The following ZNF385D variants were observed in gnomAD, a reference collection of about 807,000 sequenced individuals.
The protein encoded by ZNF385D is zinc finger protein 385D, also known as zinc finger protein 659.
ZNF385D carries 15 observed loss-of-function variants against 35.8 expected under a neutral mutation model. That is an observed-to-expected ratio of 0.42 (90% CI 0.28 to 0.64). ZNF385D has a LOEUF of 0.64. Ranked by LOEUF, ZNF385D falls within the 30% of genes least tolerant of loss-of-function variation. The pLI, the probability that ZNF385D is intolerant of heterozygous loss-of-function variation, is 0.23. For synonymous variants in ZNF385D, 212 were observed against 186.8 expected, an observed-to-expected ratio of 1.13 and a Z score of -1.10; for missense variants, 474 against 494.6, an observed-to-expected ratio of 0.96 and a Z score of 0.39.
At chr3:22,169,405 T>A (rs76847922) in intron 2 of ZNF385D, among the ~76,000 whole-genome samples, 2 of 152,226 alleles carry the variant, frequency 1.3e-5, no homozygotes, top group Admixed American at 1.3e-4. Flanking sequence ...ATAGCTGTGA[T>A]AAGCATTCAG....
chr3:21,540,443 C>T (rs551449661), intron 3 of ZNF385D, among the ~76,000 whole-genome samples: 4 of 152,246 alleles, frequency 2.6e-5, no homozygotes, highest in South Asian at 4.2e-4. Context: ...AGCTGATCAA[C>T]GGAACAGAAC....
At chr3:21,641,044 G>T (rs1426082003) in intron 2 of ZNF385D, among the ~76,000 whole-genome samples, 1 of 152,060 alleles carries the variant, frequency 6.6e-6, no homozygotes, top group African/African-American at 2.4e-5. Flanking sequence ...TCATAACCAA[G>T]ACTGTCTGGA....
intron 2 of ZNF385D, among the ~76,000 whole-genome samples, chr3:22,198,276 A>C (rs1392646448): frequency 1.3e-5 from 2 of 152,092 alleles, no homozygotes; most frequent in Non-Finnish European, 2.9e-5. Context: ...ATTTAGAAAT[A>C]AGAGGACAAT....
intron 2 of ZNF385D, among the ~76,000 whole-genome samples, chr3:21,568,111 C>T (rs925736875): frequency 2.0e-5 from 3 of 152,052 alleles, no homozygotes; most frequent in Admixed American, 6.6e-5. Flanking sequence ...ACTATAGATA[C>T]ACCATCAAAA....
intron 3 of ZNF385D, among the ~76,000 whole-genome samples, chr3:22,006,501 T>C (rs968142522): frequency 8.6e-5 from 13 of 152,008 alleles, no homozygotes; most frequent in African/African-American, 2.9e-4. Context: ...GGAATAATTA[T>C]CTCTTTTTGA....
chr3:21,756,774 G>A (rs969655071), intron 3 of ZNF385D, among the ~76,000 whole-genome samples: 1 of 152,154 alleles, frequency 6.6e-6, no homozygotes, highest in Non-Finnish European at 1.5e-5. Context: ...GCTACTTTAA[G>A]CCTGAGTTGG....
intron 3 of ZNF385D, among the ~76,000 whole-genome samples, chr3:21,800,336 T>C (rs560270178): frequency 2.0e-5 from 3 of 152,328 alleles, no homozygotes; most frequent in African/African-American, 7.2e-5. Context: ...CCTTGGGTAG[T>C]AGTACCAACC....
upstream of ZNF385D, among the ~76,000 whole-genome samples, chr3:21,754,656 C>T (rs2070258848): frequency 1.3e-5 from 2 of 151,966 alleles, no homozygotes; most frequent in Non-Finnish European, 2.9e-5. Context: ...CCTCCCCTGA[C>T]ATTTCTTAAC....
At chr3:21,549,464 T>C (rs568177462) in intron 3 of ZNF385D, among the ~76,000 whole-genome samples, 20 of 152,142 alleles carry the variant, frequency 1.3e-4, no homozygotes, top group Non-Finnish European at 2.9e-4. Context: ...CACTCAAGAG[T>C]TAGGAACTAG....
intron 2 of ZNF385D, among the ~76,000 whole-genome samples, chr3:22,291,817 C>T (rs1702315411): frequency 6.6e-6 from 1 of 152,014 alleles, no homozygotes; most frequent in Non-Finnish European, 1.5e-5. Context: ...TTATGCATTA[C>T]TACTCCTTAA....
At chr3:21,915,372 G>A (rs910041510) in intron 3 of ZNF385D, among the ~76,000 whole-genome samples, 3 of 152,112 alleles carry the variant, frequency 2.0e-5, no homozygotes, top group African/African-American at 7.2e-5. Flanking sequence ...TCAAGACAAT[G>A]TAAATAGAAT....
chr3:22,255,794 T>C (rs1215595442), intron 2 of ZNF385D, among the ~76,000 whole-genome samples: 1 of 151,706 alleles, frequency 6.6e-6, no homozygotes, highest in Non-Finnish European at 1.5e-5. Flanking sequence ...AACTCAGTTT[T>C]TTTTTTTTTA....
chr3:22,257,917 AAT>A (rs889865151), intron 2 of ZNF385D, among the ~76,000 whole-genome samples: 1 of 151,868 alleles, frequency 6.6e-6, no homozygotes, highest in Non-Finnish European at 1.5e-5. Context: ...AATGCTACAA[AAT>A]ATCTTACATT....
rs1271782515 is a variant in ZNF385D, at chr3:21,413,059, TTACTG to T, written c.*8150_*8154del. 2 of 151,938 alleles carry T rather than the reference TTACTG, an allele frequency of 1.3e-5. No individual in the cohort carries two copies. Among genetic ancestry groups the T allele is most frequent in the African/African-American group, 4.8e-5 (2 of 41,372 alleles). The allele number at this position is 151,938 out of a possible 1,614,324, so 9.4% of individuals were successfully genotyped here. Reference sequence around the variant, plus strand: ...CTTTTTTTCAAGAAAAAATAGTACTTTACTGGTATACAAAGGGTAGTTCTTTGGGT... The same window carrying T: ...CTTTTTTTCAAGAAAAAATAGTACTTGTATACAAAGGGTAGTTCTTTGGGT... On this transcript the variant is annotated 3_prime_UTR_variant, in exon 8 of 8. Transcript: ENST00000281523.
intron 3 of ZNF385D, among the ~76,000 whole-genome samples, chr3:21,930,367 A>G (rs950142337): frequency 4.6e-5 from 7 of 152,012 alleles, no homozygotes; most frequent in Admixed American, 2.6e-4. Flanking sequence ...AGAACTTATC[A>G]TCTTAATTAG....
intron 5 of ZNF385D, among the ~76,000 whole-genome samples, chr3:21,428,245 T>C (rs1701113357): frequency 6.6e-6 from 1 of 152,066 alleles, no homozygotes; most frequent in African/African-American, 2.4e-5. Flanking sequence ...ATTAAATCTG[T>C]AATATGTTTC....
intron 2 of ZNF385D, among the ~76,000 whole-genome samples, chr3:22,244,440 TATC>T (rs1159649801): frequency 6.7e-6 from 1 of 149,368 alleles, no homozygotes; most frequent in Middle Eastern, 3.2e-3. Flanking sequence ...AGTATATTCT[TATC>T]ATCAATACAA....
chr3:21,607,610 A>AGGAG lies in ZNF385D; in HGVS notation c.166-42927_166-42926insCTCC, dbSNP rs542244270. 3.9e-3 allele frequency among the ~76,000 whole-genome samples: 598 copies of AGGAG among 152,244 alleles called. 1 individual carries two copies. The highest frequency in any genetic ancestry group is 6.7e-3 in the Non-Finnish European group (456 of 68,032). On this transcript the variant is annotated intron_variant, in intron 2 of 7. Coordinates refer to ENST00000281523, the MANE Select transcript of ZNF385D (RefSeq NM_024697.3). ...CTACCCCATCCTTTGGTTCTTGAAG[A>AGGAG]GACCTCACCAGTGTCTCTCCTGGAA...
intron 3 of ZNF385D, among the ~76,000 whole-genome samples, chr3:21,912,875 A>G (rs1700027150): frequency 6.6e-6 from 1 of 152,070 alleles, no homozygotes; most frequent in Admixed American, 6.6e-5. Flanking sequence ...CTGTCTCCCA[A>G]GAGCATACAG....
Sources: allele counts gnomAD v4.1 joint callset (sites outside exome capture counted in the v4.1 genomes callset), GRCh38; gene constraint gnomAD v4.1.1; transcripts MANE v1.5; gene names NCBI Gene and HGNC (gene_info 2026-07-23, HGNC 2026-07-21).